The following SCMH1 variants were observed in gnomAD, a reference collection of about 807,000 sequenced individuals.
SCMH1 encodes the protein polycomb protein SCMH1.
Under a neutral mutation model 70.8 loss-of-function variants are expected in SCMH1, and 37 were observed. That is an observed-to-expected ratio of 0.52 (90% CI 0.40 to 0.69). SCMH1 has a LOEUF of 0.69. Among genes scored for constraint, SCMH1 ranks in the 30% least tolerant of loss-of-function variants. SCMH1 has a pLI of 0.00. For missense variants in SCMH1, 607 were observed against 827.3 expected, an observed-to-expected ratio of 0.73 and a Z score of 3.27; for synonymous variants, 292 against 307.4, an observed-to-expected ratio of 0.95 and a Z score of 0.52.
In SCMH1 at chr1:41,220,820, C is replaced by T. The variant is rs1659101897; in HGVS notation, c.-118+21239G>A. ...ACTGGTGTATAAGAGGAGAAGAAAA[C>T]CATGAAGCATACTCAGTCCTTTTCC... On this transcript the variant is annotated intron_variant, in intron 1 of 14. Coordinates refer to ENST00000337495, the Ensembl canonical transcript of SCMH1. Among the ~76,000 whole-genome samples the T allele has an allele frequency of 1.3e-5, 2 of 152,158 alleles. 1 individual carries two copies. The highest frequency in any genetic ancestry group is 4.1e-4 in the South Asian group (2 of 4,832).
chr1:41,234,113 ATCTGGTGAATT>A (rs1661839846), intron 1 of SCMH1, among the ~76,000 whole-genome samples: 2 of 151,972 alleles, frequency 1.3e-5, no homozygotes, highest in Non-Finnish European at 2.9e-5. Context: ...CTCACCCTCT[ATCTGGTGAATT>A]CCTTCTCAAT....
At chr1:41,111,593 G>C (rs1557488487) in intron 8 of SCMH1, among the ~76,000 whole-genome samples, 1 of 152,118 alleles carries the variant, frequency 6.6e-6, no homozygotes, top group Non-Finnish European at 1.5e-5. Context: ...TGCCTGCCTT[G>C]GCCTCCCAAA....
At chr1:41,028,813 C>A in intron 13 of SCMH1, 87 bp from the exon 15 acceptor site, 1 of 1,428,854 alleles carries the variant, frequency 7.0e-7, no homozygotes, top group Non-Finnish European at 9.7e-7. Flanking sequence ...CAGTGGCCTT[C>A]TAGGTGATGC....
At chr1:41,146,277 G>A (rs1381149542) in intron 5 of SCMH1, among the ~76,000 whole-genome samples, 1 of 151,798 alleles carries the variant, frequency 6.6e-6, no homozygotes, top group Non-Finnish European at 1.5e-5. Flanking sequence ...TTCAAGCTAA[G>A]TATTATTATA....
chr1:41,194,642 C>T (rs1351027640), intron 1 of SCMH1, among the ~76,000 whole-genome samples: 1 of 152,208 alleles, frequency 6.6e-6, no homozygotes, highest in East Asian at 1.9e-4. Context: ...GGTCATTACA[C>T]AATAATAGGT....
intron 1 of SCMH1, among the ~76,000 whole-genome samples, chr1:41,224,900 T>C (rs542466246): frequency 6.6e-6 from 1 of 152,144 alleles, no homozygotes; most frequent in Non-Finnish European, 1.5e-5. Context: ...ATATGACTTA[T>C]AAAGGTCACA....
intron 1 of SCMH1, among the ~76,000 whole-genome samples, chr1:41,203,827 C>T (rs1033831483): frequency 1.3e-4 from 20 of 152,268 alleles, no homozygotes; most frequent in South Asian, 4.2e-4. Flanking sequence ...TTTAGTTAAT[C>T]GAATATCTAT....
At chr1:41,137,089 TACTTTGAATTA>T (rs1224223570) in intron 6 of SCMH1, among the ~76,000 whole-genome samples, 3 of 152,148 alleles carry the variant, frequency 2.0e-5, no homozygotes, top group African/African-American at 7.2e-5. Flanking sequence ...CCAGGACCAG[TACTTTGAATTA>T]ACTTTGAATT....
intron 1 of SCMH1, among the ~76,000 whole-genome samples, chr1:41,189,136 G>GT (rs1370693428): frequency 2.6e-5 from 4 of 152,008 alleles, no homozygotes; most frequent in Non-Finnish European, 5.9e-5. Flanking sequence ...TCATTAACAA[G>GT]TTTTTTTTGT....
intron 12 of SCMH1, among the ~76,000 whole-genome samples, chr1:41,039,716 T>C (rs1407029580): frequency 6.6e-6 from 1 of 151,976 alleles, no homozygotes; most frequent in East Asian, 1.9e-4. Context: ...TCAAGTGATC[T>C]GCCCACCTCG....
At chr1:41,028,040 A>G (rs1643985603) in exon 15 of SCMH1, 1 of 833,678 alleles carries the variant, frequency 1.2e-6, no homozygotes, top group East Asian at 2.5e-5. Context: ...TTATCATGGC[A>G]GCTGTGGCTA....
At chr1:41,174,418 T>C (rs539137145) in intron 2 of SCMH1, among the ~76,000 whole-genome samples, 19 of 152,254 alleles carry the variant, frequency 1.2e-4, no homozygotes, top group Admixed American at 2.6e-4. Context: ...AATGGAAGAA[T>C]TGAAGAGTAT....
At chr1:41,142,971 T>C (rs755757080) in exon 6 of SCMH1, 4 of 1,614,054 alleles carry the variant, frequency 2.5e-6, no homozygotes, top group Admixed American at 1.7e-5. Flanking sequence ...TCATTTTTGT[T>C]GTCGCTCCCA....
intron 8 of SCMH1, among the ~76,000 whole-genome samples, chr1:41,083,689 C>T (rs1660725956): frequency 6.6e-6 from 1 of 152,138 alleles, no homozygotes; most frequent in African/African-American, 2.4e-5. Context: ...GCCAAAAGAA[C>T]AAAGCTGGAG....
At chr1:41,239,878 G>T (rs1432375128) in intron 1 of SCMH1, among the ~76,000 whole-genome samples, 1 of 152,156 alleles carries the variant, frequency 6.6e-6, no homozygotes, top group African/African-American at 2.4e-5. Context: ...TCAAAGAGTT[G>T]CCTGCCTCAG....
At chr1:41,238,762 C>A (rs1662898122) in intron 1 of SCMH1, among the ~76,000 whole-genome samples, 2 of 152,218 alleles carry the variant, frequency 1.3e-5, no homozygotes, top group South Asian at 4.1e-4. Context: ...CAATATCAGA[C>A]AACTTAACTC....
chr1:41,127,404 T>C (rs1243923352), intron 6 of SCMH1, among the ~76,000 whole-genome samples: 1 of 152,168 alleles, frequency 6.6e-6, no homozygotes, highest in African/African-American at 2.4e-5. Context: ...AAAAAGGCTT[T>C]CCCCACCCCA....
At chr1:41,212,418 T>C (rs1657227196) in intron 1 of SCMH1, among the ~76,000 whole-genome samples, 1 of 152,316 alleles carries the variant, frequency 6.6e-6, no homozygotes, top group South Asian at 2.1e-4. Flanking sequence ...ACATGTTCTA[T>C]CTAATTAAAA....
At chr1:41,130,009 TC>T (rs1200101842) in intron 6 of SCMH1, among the ~76,000 whole-genome samples, 3 of 152,192 alleles carry the variant, frequency 2.0e-5, no homozygotes, top group Non-Finnish European at 4.4e-5. Flanking sequence ...TCTGTTTTTT[TC>T]CTAATACCCA....
Sources: gnomAD v4.1 joint callset for allele counts (sites outside exome capture counted in the v4.1 genomes callset) on GRCh38, gnomAD v4.1.1 for gene constraint, MANE v1.5 for transcripts, NCBI Gene and HGNC (gene_info 2026-07-23, HGNC 2026-07-21) for gene names.